WDR25: variants seen among roughly 807,000 people sequenced by gnomAD.
WDR25 encodes WD repeat domain 25.
WDR25 carries 35 observed loss-of-function variants against 47.7 expected under a neutral mutation model. The observed-to-expected ratio is 0.73, with a 90% confidence interval of 0.56 to 0.97. WDR25 has a LOEUF of 0.97. Among genes scored for constraint, WDR25 ranks in the 50% least tolerant of loss-of-function variants. The pLI, the probability that WDR25 is intolerant of heterozygous loss-of-function variation, is 0.00. For missense variants in WDR25, 634 were observed against 704.7 expected (o/e 0.90, Z 1.14); for synonymous variants, 248 against 278.9 (o/e 0.89, Z 1.10).
Position 100,529,480 on chromosome 14 carries a change from G to A in WDR25, c.1413+272G>A, listed in dbSNP as rs1015373437. 12 of 594,732 alleles carry A rather than the reference G, an allele frequency of 2.0e-5. No homozygotes were observed. Among genetic ancestry groups the A allele is most frequent in the Non-Finnish European group, 3.0e-5 (10 of 336,798 alleles). The allele number at this position is 594,732 out of a possible 1,614,324, so 36.8% of individuals were successfully genotyped here. A position where few individuals can be genotyped will look rare whatever the true frequency, so the allele number is the denominator to read the frequency against. On this transcript the variant is annotated intron_variant, in intron 6 of 6. Transcript: ENST00000402312. This position sits in a 1 kb window ranked among gnomAD's most constrained non-coding sequence, Gnocchi z 5.1. Reference sequence around the variant, plus strand: ...TGGGGGGCAGGAACAGGACAAAATGGTCATGGGTGTCATTTCTGCATCCTT... The same window carrying A: ...TGGGGGGCAGGAACAGGACAAAATGATCATGGGTGTCATTTCTGCATCCTT...
chr14:100,518,661 C>T (rs573757995), intron 4 of WDR25, among the ~76,000 whole-genome samples: 8 of 152,128 alleles, frequency 5.3e-5, no homozygotes, highest in South Asian at 2.1e-4. Flanking sequence ...GAGGCCAAGG[C>T]GGGCAGATTG....
chr14:100,518,193 C>G (rs1901572400), intron 4 of WDR25, among the ~76,000 whole-genome samples: 1 of 152,100 alleles, frequency 6.6e-6, no homozygotes, highest in Non-Finnish European at 1.5e-5. Flanking sequence ...TCACTTAGTT[C>G]TTCTTCATTT....
At chr14:100,511,550 C>T (rs1393672331) in intron 4 of WDR25, among the ~76,000 whole-genome samples, 1 of 152,050 alleles carries the variant, frequency 6.6e-6, no homozygotes, top group African/African-American at 2.4e-5. Context: ...TCTATTTTCT[C>T]TCTTCCTCCC....
intron 2 of WDR25, among the ~76,000 whole-genome samples, chr14:100,434,139 T>C (rs1040230717): frequency 7.2e-5 from 11 of 152,200 alleles, no homozygotes; most frequent in Non-Finnish European, 1.6e-4. Context: ...TGCTCATTGC[T>C]TCATTGCTAC....
rs566393093 is a variant in WDR25 at position 100,415,799 on chromosome 14, C to G, written c.822+34053C>G. Among the ~76,000 whole-genome samples, 12 of 152,324 alleles carry G rather than the reference C, an allele frequency of 7.9e-5. No individual in the cohort carries two copies. The East Asian group carries it at 1.9e-3, about 24-fold the overall frequency. On this transcript the variant is annotated intron_variant, in intron 2 of 6. Transcript: ENST00000402312. ...GTGAGTAATAAACTGTTTTCAGTCT[C>G]TGACCCAGGGATCTCATGCCTTCTG... is the stretch of plus-strand genomic sequence containing the variant.
rs948537021 is a variant in WDR25 at position 100,502,161 on chromosome 14, C to T, written c.1101+18037C>T. Reference sequence around the variant, plus strand: ...GTTGGAAGTGCCTCAGGCATGGCCCCTTGATAGTTGTGGGAGGTGCAGGCA... The same window carrying T: ...GTTGGAAGTGCCTCAGGCATGGCCCTTTGATAGTTGTGGGAGGTGCAGGCA... On this transcript the variant is annotated intron_variant, in intron 4 of 6. Coordinates refer to ENST00000402312, the MANE Select transcript of WDR25 (RefSeq NM_001161476.3). This position sits in a 1 kb window ranked among gnomAD's most constrained non-coding sequence, Gnocchi z 4.5. Among the ~76,000 whole-genome samples the T allele has an allele frequency of 6.6e-6, 1 of 152,218 alleles. No homozygotes were observed. Among genetic ancestry groups the T allele is most frequent in the African/African-American group, 2.4e-5 (1 of 41,470 alleles).
At chr14:100,517,324 G>T (rs377539583) in intron 4 of WDR25, among the ~76,000 whole-genome samples, 1 of 151,590 alleles carries the variant, frequency 6.6e-6, no homozygotes, top group South Asian at 2.1e-4. Flanking sequence ...TGATCCACCC[G>T]CCTCGGCCTC....
At chr14:100,479,014 C>T (rs2140312254) in intron 3 of WDR25, among the ~76,000 whole-genome samples, 1 of 152,098 alleles carries the variant, frequency 6.6e-6, no homozygotes, top group Non-Finnish European at 1.5e-5. Context: ...ACTGAATGTT[C>T]TCAGCAATAA....
chr14:100,508,588 G>A (rs1229151550), intron 4 of WDR25, among the ~76,000 whole-genome samples: 1 of 152,098 alleles, frequency 6.6e-6, no homozygotes, highest in Non-Finnish European at 1.5e-5. Flanking sequence ...TCTAATGCAT[G>A]TGCAATTATT....
intron 4 of WDR25, among the ~76,000 whole-genome samples, chr14:100,522,462 A>G (rs1202675549): frequency 6.6e-6 from 1 of 152,212 alleles, no homozygotes; most frequent in East Asian, 1.9e-4. Context: ...ACTTTAAACC[A>G]AAGCAGTGGG....
At chr14:100,467,958 G>T in intron 2 of WDR25, 63 bp from the exon 3 acceptor site, 1 of 1,603,638 alleles carries the variant, frequency 6.2e-7, no homozygotes, top group South Asian at 1.1e-5. Flanking sequence ...CAGTGGGGTC[G>T]AGCTGAGCCC....
rs575251482 is a variant in WDR25 at position 100,428,158 on chromosome 14, G to A, written c.823-39863G>A. The stretch of plus-strand genomic sequence containing the variant: ...TTTCCCATCTGAGGAAACGTTTGTC[G>A]TGTGCTCCGACCGAAGCGTTGGCAC... On this transcript the variant is annotated intron_variant, in intron 2 of 6. Coordinates refer to ENST00000402312, the MANE Select transcript of WDR25 (RefSeq NM_001161476.3). This position sits in a 1 kb window ranked among gnomAD's most constrained non-coding sequence, Gnocchi z 4.3. 2.0e-5 allele frequency among the ~76,000 whole-genome samples: 3 copies of A among 152,330 alleles called. No individual in the cohort carries two copies. Among genetic ancestry groups the A allele is most frequent in the South Asian group, 2.1e-4 (1 of 4,826 alleles).
rs2140136171 is a variant in WDR25 at position 100,381,142 on chromosome 14, C to T, written c.218C>T (p.Pro73Leu). The change falls in exon 2 of 7, where the codon CCA (proline) becomes CTA (leucine). Residue 73 changes from proline to leucine, a missense_variant. Transcript: ENST00000402312. ...QPTKHGSCED[P>L]GGYRLPLAQL... The stretch of plus-strand genomic sequence containing the variant: ...ACAAAGCATGGCTCCTGTGAAGACC[C>T]AGGGGGCTATCGCCTTCCATTGGCT... The T allele has an allele frequency of 6.2e-7, 1 of 1,614,228 alleles. No individual in the cohort carries two copies. The highest frequency in any genetic ancestry group is 1.7e-4 in the Middle Eastern group (1 of 6,060).
In WDR25 at chr14:100,404,591, C is replaced by G. The variant is rs1897477130; in HGVS notation, c.822+22845C>G. Among the ~76,000 whole-genome samples, 1 of 152,170 alleles carries G rather than the reference C, an allele frequency of 6.6e-6. No homozygotes were observed. The highest frequency in any genetic ancestry group is 2.4e-5 in the African/African-American group (1 of 41,454). ...GCCCTTGGGGGAAGTGCAAATGCAT[C>G]CTTATCTCTGTAGTGCTTCCTCCCA... On this transcript the variant is annotated intron_variant, in intron 2 of 6. Transcript: ENST00000402312. This position sits in a 1 kb window ranked among gnomAD's most constrained non-coding sequence, Gnocchi z 4.6.
intron 2 of WDR25, among the ~76,000 whole-genome samples, chr14:100,458,377 A>G (rs1899271974): frequency 6.6e-6 from 1 of 152,176 alleles, no homozygotes; most frequent in African/African-American, 2.4e-5. Flanking sequence ...ATAAATATTT[A>G]TATAAATAAT....
chr14:100,519,664 A>T (rs532289606), intron 4 of WDR25, among the ~76,000 whole-genome samples: 147 of 146,678 alleles, frequency 1.0e-3, no homozygotes, highest in South Asian at 2.1e-3. Flanking sequence ...ATATATATAC[A>T]CATATAGTCT....
At chr14:100,403,046 C>A (rs1335720832) in intron 2 of WDR25, among the ~76,000 whole-genome samples, 6 of 151,726 alleles carry the variant, frequency 4.0e-5, no homozygotes, top group Non-Finnish European at 8.8e-5. Flanking sequence ...CAGTGTCCAA[C>A]AAATGGTTGT....
At chr14:100,436,562 G>A (rs771785311) in intron 2 of WDR25, among the ~76,000 whole-genome samples, 10 of 152,220 alleles carry the variant, frequency 6.6e-5, no homozygotes, top group Non-Finnish European at 1.5e-4. Flanking sequence ...GGCACTATGT[G>A]GCAGTGTGGC....
intron 3 of WDR25, among the ~76,000 whole-genome samples, chr14:100,481,522 T>A (rs1374877359): frequency 6.6e-6 from 1 of 151,798 alleles, no homozygotes; most frequent in Non-Finnish European, 1.5e-5. Flanking sequence ...GGATATTGAA[T>A]TATGGGAGGC....
Sources: gnomAD v4.1 joint callset for allele counts (sites outside exome capture counted in the v4.1 genomes callset) on GRCh38, gnomAD v4.1.1 for gene constraint, Gnocchi (gnomAD v3.1) non-coding constraint, MANE v1.5 for transcripts, NCBI Gene and HGNC (gene_info 2026-07-23, HGNC 2026-07-21) for gene names.